CCDC73: variants seen among roughly 807,000 people sequenced by gnomAD.
CCDC73 encodes coiled-coil domain-containing protein 73.
Under a neutral mutation model 116.5 loss-of-function variants are expected in CCDC73, and 95 were observed. The observed-to-expected ratio is 0.82, with a 90% CI of 0.69 to 0.97. CCDC73 has a LOEUF of 0.97. Among genes scored for constraint, CCDC73 ranks in the 50% least tolerant of loss-of-function variants. The pLI is 0.00. For missense variants in CCDC73, 1,066 were observed against 1,206.8 expected, an observed-to-expected ratio of 0.88 and a Z score of 1.73; for synonymous variants, 398 against 401.3, an observed-to-expected ratio of 0.99 and a Z score of 0.10.
At position 32,684,695 on chromosome 11, in the gene CCDC73, CT is replaced by C. The variant is rs1419214745; in HGVS notation, c.391-1122del. On this transcript the variant is annotated intron_variant, in intron 6 of 17. Transcript: ENST00000335185. ...TCTAAGATTTGTTAATTTTTATAGG[CT>C]TTTTTAAACTGTTACAAAAGCCAGG... Among the ~76,000 whole-genome samples, 56 of 152,198 alleles carry C rather than the reference CT, an allele frequency of 3.7e-4. 1 individual carries two copies. Among genetic ancestry groups the C allele is most frequent in the Middle Eastern group, 3.4e-3 (1 of 294 alleles).
intron 6 of CCDC73, among the ~76,000 whole-genome samples, chr11:32,689,926 C>T (rs779544245): frequency 7.2e-5 from 11 of 152,044 alleles, no homozygotes; most frequent in Non-Finnish European, 1.6e-4. Context: ...ACCCGGGAGG[C>T]GGAGCTTGCA....
intron 9 of CCDC73, among the ~76,000 whole-genome samples, chr11:32,661,506 T>G (rs1855926096): frequency 7.0e-6 from 1 of 143,198 alleles, no homozygotes; most frequent in Non-Finnish European, 1.5e-5. Flanking sequence ...TGTGTCCAAG[T>G]GTTCTCATTG....
intron 2 of CCDC73, among the ~76,000 whole-genome samples, chr11:32,752,099 T>C (rs771404235): frequency 6.6e-6 from 1 of 152,224 alleles, no homozygotes; most frequent in Non-Finnish European, 1.5e-5. Context: ...GACATAGCTC[T>C]GGCTTCCAAG....
At chr11:32,658,102 T>C (rs74621265) in intron 9 of CCDC73, among the ~76,000 whole-genome samples, 7,150 of 152,198 alleles carry the variant, frequency 0.047, 185 homozygotes, top group African/African-American at 0.061. Context: ...CTACAGCTCT[T>C]TCCAGATTCC....
At position 32,613,624 on chromosome 11, in the gene CCDC73, A is replaced by C; in HGVS notation, c.2694T>G (p.Thr898=). 1 of 1,613,870 alleles carries C rather than the reference A, an allele frequency of 6.2e-7. No individual in the cohort carries two copies. ...GGTCTGAAAAATTCATGTATACTGG[A>C]GTTTTCTCAGTTTTTTTATCTGAAG... is the stretch of plus-strand genomic sequence containing the variant. ...LSTSDKKTEK[T]PVYMNFSDPG... The change falls in exon 16 of 18, where the codon ACT becomes ACG. Residue 898 remains threonine (T), a synonymous_variant. Transcript: ENST00000335185.
chr11:32,690,017 G>T (rs562291954), intron 6 of CCDC73, among the ~76,000 whole-genome samples: 10 of 152,076 alleles, frequency 6.6e-5, no homozygotes, highest in African/African-American at 2.2e-4. Context: ...AATTACATAA[G>T]ATGCTCACAG....
intron 1 of CCDC73, among the ~76,000 whole-genome samples, chr11:32,766,628 A>T (rs948522739): frequency 6.6e-6 from 1 of 151,240 alleles, no homozygotes; most frequent in African/African-American, 2.4e-5. Context: ...CAAACTCAGG[A>T]ATACAAAATC....
chr11:32,736,529 G>A (rs1288734929), intron 2 of CCDC73, among the ~76,000 whole-genome samples: 5 of 152,300 alleles, frequency 3.3e-5, no homozygotes, highest in Middle Eastern at 3.4e-3. Flanking sequence ...TGGAGAGGAC[G>A]TGGAGAAATA....
At chr11:32,627,424 GATCT>G (rs975508581) in intron 14 of CCDC73, among the ~76,000 whole-genome samples, 21 of 152,168 alleles carry the variant, frequency 1.4e-4, no homozygotes, top group African/African-American at 5.1e-4. Context: ...ATTCTTCAGG[GATCT>G]AGAAGTAGAA....
At chr11:32,633,178 C>T (rs1029298201) in intron 14 of CCDC73, among the ~76,000 whole-genome samples, 1 of 152,104 alleles carries the variant, frequency 6.6e-6, no homozygotes. Flanking sequence ...CTCAGCCTCC[C>T]GAGTAAGCCA....
intron 1 of CCDC73, among the ~76,000 whole-genome samples, chr11:32,789,212 T>C (rs995313444): frequency 4.6e-5 from 7 of 152,114 alleles, no homozygotes; most frequent in Admixed American, 3.9e-4. Flanking sequence ...AAAAAGGGAA[T>C]AATACTCCTC....
chr11:32,627,729 C>A (rs1317012097), intron 14 of CCDC73, among the ~76,000 whole-genome samples: 1 of 152,096 alleles, frequency 6.6e-6, no homozygotes, highest in African/African-American at 2.4e-5. Context: ...GACAAAAAAC[C>A]AAACACCGCA....
chr11:32,610,279 G>A (rs959500446), intron 17 of CCDC73, among the ~76,000 whole-genome samples: 1 of 152,102 alleles, frequency 6.6e-6, no homozygotes, highest in South Asian at 2.1e-4. Flanking sequence ...CTGTGGGAGT[G>A]ACAATTCAAA....
intron 1 of CCDC73, among the ~76,000 whole-genome samples, chr11:32,786,613 A>G (rs3847591): frequency 0.58 from 86,183 of 149,726 alleles, 25,134 homozygotes; most frequent in East Asian, 0.85. Flanking sequence ...TATTTTATAT[A>G]AGTATTACAA....
intron 2 of CCDC73, among the ~76,000 whole-genome samples, chr11:32,735,269 C>T (rs1422279455): frequency 6.6e-6 from 1 of 152,156 alleles, no homozygotes; most frequent in Non-Finnish European, 1.5e-5. Flanking sequence ...ATTTAGAAAA[C>T]CCCATCATCT....
chr11:32,704,534 A>G (rs889950995), intron 3 of CCDC73, among the ~76,000 whole-genome samples: 1 of 152,200 alleles, frequency 6.6e-6, no homozygotes, highest in Non-Finnish European at 1.5e-5. Context: ...GCGCGGGCCC[A>G]CAGGTGCCCC....
chr11:32,626,268 A>C (rs1202068229), intron 14 of CCDC73, among the ~76,000 whole-genome samples: 1 of 151,988 alleles, frequency 6.6e-6, no homozygotes, highest in Admixed American at 6.6e-5. Flanking sequence ...CCAACTTACA[A>C]GGGACGTGAA....
chr11:32,616,108 C>G lies in CCDC73; in HGVS notation c.1207G>C (p.Glu403Gln). 6.3e-7 allele frequency: 1 copy of G among 1,576,496 alleles called. No individual in the cohort carries two copies. The highest frequency in any genetic ancestry group is 8.6e-7 in the Non-Finnish European group (1 of 1,166,410). Residue 403 changes from glutamate (E) to glutamine (Q), a missense_variant, in exon 15 of 18, where the codon GAA (glutamate) becomes CAA (glutamine). Coordinates refer to ENST00000335185, the MANE Select transcript of CCDC73 (RefSeq NM_001008391.4). ...KFQNVPEVNN[E>Q]NSEMSTEKSE... Reference sequence around the variant, plus strand: ...TTTTCAGTTGACATTTCACTGTTTTCATTATTTACTTCTGGAACATTCTAG... The same window carrying G: ...TTTTCAGTTGACATTTCACTGTTTTGATTATTTACTTCTGGAACATTCTAG...
intron 2 of CCDC73, among the ~76,000 whole-genome samples, chr11:32,738,964 G>A (rs116662948): frequency 0.012 from 1,841 of 151,712 alleles, 45 homozygotes; most frequent in African/African-American, 0.042. Flanking sequence ...ATTCCTCAAT[G>A]TATGTTCTTG....
Sources: allele counts gnomAD v4.1 joint callset (sites outside exome capture counted in the v4.1 genomes callset), GRCh38; gene constraint gnomAD v4.1.1; transcripts MANE v1.5; gene names NCBI Gene and HGNC (gene_info 2026-07-23, HGNC 2026-07-21).